Variants in WDR74 observed in about 807,000 individuals in gnomAD.
WDR74 encodes WD repeat domain 74, also known as WD repeat-containing protein 74.
In WDR74, 31 loss-of-function variants were observed where a neutral mutation model predicts 45.6. That is an observed-to-expected ratio of 0.68 (90% CI 0.51 to 0.92). The LOEUF is 0.92. Ranked by LOEUF, WDR74 falls within the 40% of genes least tolerant of loss-of-function variation. WDR74 has a pLI of 0.00. For missense variants in WDR74, 455 were observed against 497.2 expected (o/e 0.92, Z 0.81); for synonymous variants, 191 against 192.4 (o/e 0.99, Z 0.06).
chr11:62,836,979 G>T (rs1448099826), intron 3 of WDR74, among the ~76,000 whole-genome samples: 1 of 152,180 alleles, frequency 6.6e-6, no homozygotes, highest in African/African-American at 2.4e-5. Flanking sequence ...GGGAAGTTGA[G>T]GCAGGAGAAT....
At position 62,833,027 on chromosome 11, in the gene WDR74, C is replaced by T. The variant is rs779626341; in HGVS notation, c.1083G>A (p.Ser361=). 1.2e-6 allele frequency: 2 copies of T among 1,609,820 alleles called. No homozygotes were observed. Among genetic ancestry groups the T allele is most frequent in the South Asian group, 2.2e-5 (2 of 90,288 alleles). ...GAGCTCCTTGGGGCTGCTCCAAACC[C>T]GAGAGCTTCCGCTTGGCAGCTGCCT... is the stretch of plus-strand genomic sequence containing the variant. ...SLEAAAKRKL[S]GLEQPQGALQ... The change falls in exon 11 of 11, where the codon TCG becomes TCA. Residue 361 remains serine (S), a synonymous_variant. Transcript: ENST00000278856.
At chr11:62,839,004 C>T (rs562492688) in intron 3 of WDR74, 110 bp downstream of exon 3, 2 of 1,482,460 alleles carry the variant, frequency 1.3e-6, no homozygotes, top group South Asian at 2.5e-5. Context: ...CCCTGTCACC[C>T]ATTCAAAGCC....
intron 10 of WDR74, 65 bp downstream of exon 10, chr11:62,833,553 C>T: frequency 6.5e-7 from 1 of 1,532,196 alleles, no homozygotes; most frequent in Non-Finnish European, 8.8e-7. Flanking sequence ...CCTCCTTTTC[C>T]TCTCCATAGG....
intron 3 of WDR74, among the ~76,000 whole-genome samples, chr11:62,837,543 C>T (rs2134892399): frequency 6.6e-6 from 1 of 151,294 alleles, no homozygotes; most frequent in South Asian, 2.1e-4. Context: ...TCCTTGTTAT[C>T]AACTTCCAAA....
chr11:62,836,061 A>G, intron 3 of WDR74, 25 bp from the exon 4 acceptor site: 1 of 1,563,690 alleles, frequency 6.4e-7, no homozygotes, highest in Non-Finnish European at 8.7e-7. Flanking sequence ...TAGAGTTGGG[A>G]TTTTTTAAGT....
At chr11:62,837,986 C>G (rs969136336) in intron 3 of WDR74, among the ~76,000 whole-genome samples, 2 of 152,080 alleles carry the variant, frequency 1.3e-5, no homozygotes, top group Non-Finnish European at 2.9e-5. Flanking sequence ...GCCTGTGGTC[C>G]CAGGTACTCA....
At chr11:62,839,612 G>C (rs1174820456), upstream of WDR74, 2 of 1,564,590 alleles carry the variant, frequency 1.3e-6, no homozygotes, top group East Asian at 2.3e-5. Context: ...CCGGCGCAGC[G>C]TGTGCGTCAC....
chr11:62,833,199 G>T, intron 10 of WDR74, 68 bp from the exon 11 acceptor site: 1 of 1,514,492 alleles, frequency 6.6e-7, no homozygotes, highest in Non-Finnish European at 8.9e-7. Context: ...TGTAATCTCA[G>T]CACTTTGGGA....
At chr11:62,833,340 C>T (rs1014933434) in intron 10 of WDR74, among the ~76,000 whole-genome samples, 8 of 146,870 alleles carry the variant, frequency 5.4e-5, no homozygotes, top group Middle Eastern at 3.3e-3. Context: ...TAGTCAGGGG[C>T]ACAGGGACAA....
chr11:62,841,469 T>G (rs186638207), upstream of WDR74: 1 of 152,168 alleles, frequency 6.6e-6, no homozygotes, highest in African/African-American at 2.4e-5. Context: ...AAACAAAACC[T>G]TCTCTCAACA....
chr11:62,833,004 G>GCT lies in WDR74; in HGVS notation c.1104_1105dup (p.Ala369GlufsTer26), dbSNP rs2084893639. On this transcript the variant is annotated frameshift_variant, in exon 11 of 11. Transcript: ENST00000278856. LOFTEE classifies it low-confidence loss of function (END_TRUNC). Reference sequence around the variant, plus strand: ...CTTCTTTCTCCGTCTCGTTTGGAGAGCTCCTTGGGGCTGCTCCAAACCCGA... The same window carrying GCT: ...CTTCTTTCTCCGTCTCGTTTGGAGAGCTCTCCTTGGGGCTGCTCCAAACCCGA... 1.2e-6 allele frequency: 2 copies of GCT among 1,610,056 alleles called. No individual in the cohort carries two copies. The highest frequency in any genetic ancestry group is 2.2e-5 in the South Asian group (2 of 90,358).
In WDR74 at chr11:62,839,547, C is replaced by G. The variant is rs772909911; in HGVS notation, c.24G>C (p.Trp8Cys). Residue 8 changes from tryptophan to cysteine, a missense_variant, in exon 1 of 11, where the codon TGG becomes TGC. Transcript: ENST00000278856. ...TCTCGGTGCCGACCCACACATGGTTCCAGCGTGCAGCAGCAGCCGCCATGA... is the reference window on the plus strand; with the variant it reads ...TCTCGGTGCCGACCCACACATGGTTGCAGCGTGCAGCAGCAGCCGCCATGA... MAAAAAR[W>C]NHVWVGTETG... 6.2e-7 allele frequency: 1 copy of G among 1,612,906 alleles called. No individual in the cohort carries two copies. The highest frequency in any genetic ancestry group is 8.5e-7 in the Non-Finnish European group (1 of 1,179,524).
chr11:62,835,575 G>A (rs2298635), intron 5 of WDR74, 43 bp from the exon 6 acceptor site: 21 of 1,610,390 alleles, frequency 1.3e-5, no homozygotes, highest in Non-Finnish European at 1.0e-5. Flanking sequence ...TGGGGGGCTC[G>A]ATGTGCCCCT....
chr11:62,841,457 TAAAACAAA>T (rs2085049411), upstream of WDR74: 2 of 152,200 alleles, frequency 1.3e-5, no homozygotes, highest in African/African-American at 4.8e-5. Context: ...TGCTCAGTTA[TAAAACAAA>T]ACCTTCTCTC....
At chr11:62,841,654 A>AT (rs2085061869), upstream of WDR74, 1 of 152,248 alleles carries the variant, frequency 6.6e-6, no homozygotes, top group Non-Finnish European at 1.5e-5. Flanking sequence ...CTGCAATACC[A>AT]GGTCGATGCG....
rs1270806938 is a variant in WDR74 at position 62,834,478 on chromosome 11, G to A, written c.668C>T (p.Thr223Ile). Residue 223 changes from threonine to isoleucine, a missense_variant, in exon 7 of 11, where the codon ACC becomes ATC. Coordinates refer to ENST00000278856, the MANE Select transcript of WDR74 (RefSeq NM_001369450.1). The part of the protein sequence containing the change: ...ASPQRRPVLE[T>I]TYGEYPLTAM... ...TGTTAGTGGGTACTCTCCATAGGTG[G>A]TCTCTAGGACTGGCCGGCGCTGGGG... 2 of 1,612,316 alleles carry A rather than the reference G, an allele frequency of 1.2e-6. No homozygotes were observed. Among genetic ancestry groups the A allele is most frequent in the Non-Finnish European group, 1.7e-6 (2 of 1,179,620 alleles).
At chr11:62,835,864 GTCCGT>G in intron 4 of WDR74, 23 bp from the exon 5 acceptor site, 1 of 1,601,446 alleles carries the variant, frequency 6.2e-7, no homozygotes, top group Non-Finnish European at 8.5e-7. Flanking sequence ...GGAGATAAGA[GTCCGT>G]TCCAGAGTCC....
upstream of WDR74, chr11:62,841,758 C>T (rs562309427): frequency 3.9e-5 from 6 of 152,328 alleles, no homozygotes; most frequent in African/African-American, 7.2e-5. Flanking sequence ...AGATATTAAA[C>T]TGATAAGAAC....
intron 6 of WDR74, 88 bp from the exon 7 acceptor site, chr11:62,834,615 T>G: frequency 8.8e-7 from 1 of 1,130,578 alleles, no homozygotes; most frequent in South Asian, 1.5e-5. Context: ...CCCTGCACAC[T>G]GCTTTCTTAT....
Sources: gnomAD v4.1 joint callset for allele counts (sites outside exome capture counted in the v4.1 genomes callset) on GRCh38, gnomAD v4.1.1 for gene constraint, MANE v1.5 for transcripts, NCBI Gene and HGNC (gene_info 2026-07-23, HGNC 2026-07-21) for gene names.